Variants in NEK1 observed in about 807,000 individuals in gnomAD.
NEK1 encodes the protein NIMA related kinase 1, also known as serine/threonine-protein kinase Nek1.
A neutral mutation model predicts 182.1 loss-of-function variants in NEK1; 137 were observed. The observed-to-expected ratio is 0.75, with a 90% CI of 0.65 to 0.87. NEK1 has a LOEUF of 0.87. Ranked by LOEUF, NEK1 falls within the 40% of genes least tolerant of loss-of-function variation. The pLI, the probability that NEK1 is intolerant of heterozygous loss-of-function variation, is 0.00. For synonymous variants in NEK1, 513 were observed against 492.2 expected, an observed-to-expected ratio of 1.04 and a Z score of -0.56; for missense variants, 1,391 against 1,494.4, an observed-to-expected ratio of 0.93 and a Z score of 1.14.
chr4:169,589,268 A>C (rs989433448), intron 7 of NEK1, among the ~76,000 whole-genome samples, 179 bp downstream of exon 7: 2 of 152,228 alleles, frequency 1.3e-5, no homozygotes, highest in Non-Finnish European at 2.9e-5. Flanking sequence ...AGTACACTCT[A>C]TAATATTCAC....
chr4:169,421,059 T>C (rs918193132), intron 31 of NEK1, among the ~76,000 whole-genome samples: 1 of 152,158 alleles, frequency 6.6e-6, no homozygotes, highest in Non-Finnish European at 1.5e-5. Flanking sequence ...CTGGAATGGC[T>C]ATAATAAAAC....
chr4:169,496,118 C>T (rs140140304), intron 23 of NEK1, among the ~76,000 whole-genome samples: 1 of 152,026 alleles, frequency 6.6e-6, no homozygotes, highest in East Asian at 1.9e-4. Flanking sequence ...AGGTCCTTCA[C>T]GTCCCTTGTA....
At chr4:169,437,391 G>A (rs1055916159) in intron 28 of NEK1, among the ~76,000 whole-genome samples, 1 of 152,108 alleles carries the variant, frequency 6.6e-6, no homozygotes, top group Non-Finnish European at 1.5e-5. Flanking sequence ...GCATATGGGA[G>A]GAATGAAGAT....
chr4:169,565,604 G>C (rs909201017), intron 12 of NEK1, among the ~76,000 whole-genome samples: 2 of 152,056 alleles, frequency 1.3e-5, no homozygotes, highest in Admixed American at 1.3e-4. Context: ...CTATACAAAC[G>C]AATATTTGGC....
In NEK1 at chr4:169,507,202, G is replaced by GTTTT. The variant is rs1437728267; in HGVS notation, c.1912-71_1912-70insAAAA. On this transcript the variant is annotated intron_variant, in intron 22 of 35. Transcript: ENST00000507142. ...GCAGAGGTTTTTTTTTTTTTTTTTG[G>GTTTT]GCCAGGTCTATGAAGATATTTACTT... The GTTTT allele has an allele frequency of 1.6e-3, 653 of 410,326 alleles. 20 individuals carry two copies. The highest frequency in any genetic ancestry group is 0.015 in the African/African-American group (583 of 38,636). The allele number at this position is 410,326 out of a possible 1,614,324, so 25.4% of individuals were successfully genotyped here. A position where few individuals can be genotyped will look rare whatever the true frequency, so the allele number is the denominator to read the frequency against.
At chr4:169,398,778 A>G (rs959469996) in intron 35 of NEK1, among the ~76,000 whole-genome samples, 28 of 152,192 alleles carry the variant, frequency 1.8e-4, no homozygotes, top group African/African-American at 6.8e-4. Context: ...ATGCAAACAC[A>G]TTTTGTATGG....
chr4:169,456,477 A>G (rs1742906884), intron 27 of NEK1, among the ~76,000 whole-genome samples: 1 of 152,180 alleles, frequency 6.6e-6, no homozygotes, highest in South Asian at 2.1e-4. Context: ...AGACTAAGAA[A>G]AAGAGAGAAG....
chr4:169,469,239 T>A (rs1745488799), intron 26 of NEK1, among the ~76,000 whole-genome samples: 1 of 152,246 alleles, frequency 6.6e-6, no homozygotes, highest in Non-Finnish European at 1.5e-5. Flanking sequence ...CTTTCCCATT[T>A]TCTCCTGTGG....
intron 32 of NEK1, among the ~76,000 whole-genome samples, chr4:169,403,244 C>T (rs1164920236): frequency 6.6e-6 from 1 of 152,120 alleles, no homozygotes; most frequent in Non-Finnish European, 1.5e-5. Flanking sequence ...AATCATCCTA[C>T]TAGTAGCATT....
At chr4:169,498,705 G>A (rs977473741) in intron 23 of NEK1, among the ~76,000 whole-genome samples, 7 of 152,244 alleles carry the variant, frequency 4.6e-5, no homozygotes, top group South Asian at 4.1e-4. Context: ...TTGAAAATTC[G>A]TTTCTTTAAG....
chr4:169,434,338 G>C (rs1313244316), intron 28 of NEK1, among the ~76,000 whole-genome samples: 6 of 150,668 alleles, frequency 4.0e-5, no homozygotes, highest in Non-Finnish European at 7.4e-5. Flanking sequence ...TCAGCCTCCT[G>C]AGTAGCTGGA....
intron 27 of NEK1, among the ~76,000 whole-genome samples, chr4:169,453,106 G>T (rs1742152501): frequency 6.6e-6 from 1 of 152,024 alleles, no homozygotes; most frequent in Admixed American, 6.6e-5. Flanking sequence ...AACTTACAAG[G>T]GATGTGAAGG....
intron 26 of NEK1, among the ~76,000 whole-genome samples, chr4:169,469,383 A>G (rs1579941413): frequency 6.6e-6 from 1 of 152,174 alleles, no homozygotes; most frequent in South Asian, 2.1e-4. Flanking sequence ...TTTACCCAGT[A>G]GTCATTCAGG....
intron 27 of NEK1, among the ~76,000 whole-genome samples, chr4:169,441,205 G>A (rs1390074870): frequency 6.6e-6 from 1 of 152,158 alleles, no homozygotes; most frequent in African/African-American, 2.4e-5. Flanking sequence ...GGAGTTGCTG[G>A]TACTGACAGC....
intron 31 of NEK1, among the ~76,000 whole-genome samples, chr4:169,414,980 A>G (rs1054447463): frequency 3.3e-5 from 5 of 152,216 alleles, no homozygotes; most frequent in African/African-American, 1.2e-4. Context: ...GTCATTTTCC[A>G]TTATAGGTTA....
chr4:169,537,482 T>C (rs560003017), intron 19 of NEK1, among the ~76,000 whole-genome samples: 1 of 152,144 alleles, frequency 6.6e-6, no homozygotes. Context: ...AAAAAAAACA[T>C]GCAGCAATCC....
intron 27 of NEK1, among the ~76,000 whole-genome samples, chr4:169,439,543 C>T (rs1739033185): frequency 6.6e-6 from 1 of 152,134 alleles, no homozygotes; most frequent in Admixed American, 6.6e-5. Context: ...CTCCTTCAGC[C>T]CTACCATTCT....
intron 19 of NEK1, among the ~76,000 whole-genome samples, chr4:169,526,308 G>GC (rs1379139642): frequency 6.6e-6 from 1 of 152,080 alleles, no homozygotes; most frequent in Non-Finnish European, 1.5e-5. Flanking sequence ...GGGCAACACA[G>GC]CAAGACCTAA....
chr4:169,514,319 C>T (rs1754735463), intron 19 of NEK1, among the ~76,000 whole-genome samples: 1 of 152,084 alleles, frequency 6.6e-6, no homozygotes, highest in African/African-American at 2.4e-5. Flanking sequence ...ATCAAAGATA[C>T]TGGTCTGTAG....
Sources: allele counts gnomAD v4.1 joint callset (sites outside exome capture counted in the v4.1 genomes callset), GRCh38; gene constraint gnomAD v4.1.1; transcripts MANE v1.5; gene names NCBI Gene and HGNC (gene_info 2026-07-23, HGNC 2026-07-21).